GCA: variants seen among roughly 807,000 people sequenced by gnomAD.
The protein encoded by GCA is grancalcin.
Under a neutral mutation model 32.6 loss-of-function variants are expected in GCA, and 30 were observed. That is an observed-to-expected ratio of 0.92 (90% confidence interval 0.69 to 1.25). GCA has a LOEUF of 1.25. Among genes scored for constraint, GCA ranks in the 50% most tolerant of loss-of-function variants. The pLI is 0.00. For synonymous variants in GCA, 102 were observed against 84.6 expected, an observed-to-expected ratio of 1.21 and a Z score of -1.13; for missense variants, 291 against 266.8, an observed-to-expected ratio of 1.09 and a Z score of -0.63.
upstream of GCA, among the ~76,000 whole-genome samples, chr2:162,340,640 A>G (rs149950685): frequency 4.5e-4 from 68 of 152,232 alleles, no homozygotes; most frequent in African/African-American, 1.6e-3. Flanking sequence ...GTATAAAAGC[A>G]AGTACTTAAA....
downstream of GCA, among the ~76,000 whole-genome samples, chr2:162,363,618 A>G (rs1214731267): frequency 6.6e-6 from 1 of 151,448 alleles, no homozygotes; most frequent in African/African-American, 2.4e-5. Context: ...TTCTGAGCAG[A>G]AAACTACTTT....
At chr2:162,344,464 C>T (rs1218794809) in intron 1 of GCA, 189 bp downstream of exon 1, 2 of 602,752 alleles carry the variant, frequency 3.3e-6, no homozygotes, top group East Asian at 2.8e-5. Context: ...TGACTTGGAG[C>T]CGCAGGTTTT....
chr2:162,373,761 G>C (rs775208780), downstream of GCA: 5 of 728,214 alleles, frequency 6.9e-6, no homozygotes, highest in Non-Finnish European at 8.1e-6. Flanking sequence ...CAGAATTATG[G>C]CCTTGCTTTA....
chr2:162,323,513 G>T (rs984216875), intron 1 of GCA, among the ~76,000 whole-genome samples: 68 of 151,896 alleles, frequency 4.5e-4, no homozygotes, highest in Middle Eastern at 3.4e-3. Context: ...TAATGCCTAG[G>T]TTTTCTTCTA....
intron 1 of GCA, among the ~76,000 whole-genome samples, chr2:162,334,970 T>G (rs1684220914): frequency 6.6e-6 from 1 of 152,192 alleles, no homozygotes; most frequent in South Asian, 2.1e-4. Flanking sequence ...CTGTTTTTGG[T>G]AAAACTGCTC....
At chr2:162,325,303 C>T (rs779973150) in intron 1 of GCA, among the ~76,000 whole-genome samples, 30 of 152,286 alleles carry the variant, frequency 2.0e-4, no homozygotes, top group Middle Eastern at 3.4e-3. Context: ...TGTGTTTTCT[C>T]TCTCCTTCCT....
At chr2:162,342,179 C>T (rs1191348074), upstream of GCA, among the ~76,000 whole-genome samples, 1 of 152,056 alleles carries the variant, frequency 6.6e-6, no homozygotes, top group Non-Finnish European at 1.5e-5. Context: ...ATTTGAAACA[C>T]TAGTTTTAGA....
At chr2:162,341,801 C>T (rs1684462602), upstream of GCA, among the ~76,000 whole-genome samples, 1 of 152,152 alleles carries the variant, frequency 6.6e-6, no homozygotes, top group Non-Finnish European at 1.5e-5. Flanking sequence ...TGCAGCCATA[C>T]TCTCAGATTT....
At chr2:162,351,265 G>C (rs1399372713) in intron 2 of GCA, among the ~76,000 whole-genome samples, 1 of 152,212 alleles carries the variant, frequency 6.6e-6, no homozygotes, top group Non-Finnish European at 1.5e-5. Context: ...GCATGACACA[G>C]CTACCTTTGT....
downstream of GCA, chr2:162,372,108 G>C (rs1558911697): frequency 1.3e-6 from 2 of 1,592,624 alleles, no homozygotes; most frequent in Non-Finnish European, 1.7e-6. Flanking sequence ...GATGGAAAAA[G>C]AACAAAACAA....
chr2:162,328,079 G>A (rs966914809), intron 1 of GCA, among the ~76,000 whole-genome samples: 3 of 152,104 alleles, frequency 2.0e-5, no homozygotes, highest in South Asian at 2.1e-4. Context: ...GGCCAAGGCC[G>A]GAGCTGTCTC....
upstream of GCA, among the ~76,000 whole-genome samples, chr2:162,343,128 A>G (rs1452749714): frequency 1.3e-5 from 2 of 152,236 alleles, no homozygotes; most frequent in African/African-American, 4.8e-5. Context: ...TCCTTTGTGA[A>G]TAGTTAACAT....
chr2:162,347,204 A>G lies in GCA; in HGVS notation c.28-374A>G, dbSNP rs537801347. On this transcript the variant is annotated intron_variant, in intron 1 of 7. Coordinates refer to ENST00000437150, the MANE Select transcript of GCA (RefSeq NM_012198.5). ...TATTTACACATATATTCTTCTAAGTATGTGTCTTGAGGTTTACTTCTTAGT... is the reference window on the plus strand; with the variant it reads ...TATTTACACATATATTCTTCTAAGTGTGTGTCTTGAGGTTTACTTCTTAGT... Among the ~76,000 whole-genome samples, 5 of 152,168 alleles carry G rather than the reference A, an allele frequency of 3.3e-5. No individual in the cohort carries two copies. The South Asian group carries it at 6.2e-4, about 19-fold the overall frequency.
intron 5 of GCA, 119 bp downstream of exon 5, chr2:162,357,024 C>G (rs1685315412): frequency 3.1e-6 from 2 of 645,314 alleles, no homozygotes; most frequent in East Asian, 2.8e-5. Flanking sequence ...CAGCAAGTTC[C>G]TTTGTTTGTT....
chr2:162,348,919 G>A (rs1684848130), intron 2 of GCA, among the ~76,000 whole-genome samples: 1 of 151,970 alleles, frequency 6.6e-6, no homozygotes, highest in Admixed American at 6.6e-5. Flanking sequence ...ATTATAAGAT[G>A]CCAATGTCTT....
Position 162,362,482 on chromosome 2 carries a change from T to C in GCA, c.*2239T>C, listed in dbSNP as rs928419212. ...CTGTAATATGAATATAGTATAGTAG[T>C]TTGCACTGGTTAACTTACACCCCAG... On this transcript the variant is annotated 3_prime_UTR_variant, in exon 8 of 8. Transcript: ENST00000437150. The C allele has an allele frequency of 2.1e-6, 2 of 970,100 alleles. No homozygotes were observed. The highest frequency in any genetic ancestry group is 1.2e-4 in the Admixed American group (2 of 16,090). 60.1% of individuals were successfully genotyped at this position (970,100 alleles called of 1,614,324 possible).
intron 3 of GCA, among the ~76,000 whole-genome samples, chr2:162,353,819 T>C (rs1576292977): frequency 6.6e-6 from 1 of 152,338 alleles, no homozygotes; most frequent in East Asian, 1.9e-4. Flanking sequence ...GGACGTTTTC[T>C]TCAATGATAT....
chr2:162,359,991 A>G (rs1685492820), intron 7 of GCA, among the ~76,000 whole-genome samples: 1 of 151,188 alleles, frequency 6.6e-6, no homozygotes, highest in African/African-American at 2.4e-5. Context: ...GGTATAAGAC[A>G]GTTATATTTA....
chr2:162,365,331 A>T (rs1359432036), downstream of GCA, among the ~76,000 whole-genome samples: 2 of 151,472 alleles, frequency 1.3e-5, no homozygotes, highest in Admixed American at 6.6e-5. Context: ...TGAAATGTAC[A>T]TTTTTCTTAT....
Sources: gnomAD v4.1 joint callset for allele counts (sites outside exome capture counted in the v4.1 genomes callset) on GRCh38, gnomAD v4.1.1 for gene constraint, MANE v1.5 for transcripts, NCBI Gene and HGNC (gene_info 2026-07-23, HGNC 2026-07-21) for gene names.